Variants in MYO18A observed in about 807,000 individuals in gnomAD.
The protein encoded by MYO18A is unconventional myosin-XVIIIa.
Under a neutral mutation model 235.8 loss-of-function variants are expected in MYO18A, and 78 were observed. That is an observed-to-expected ratio of 0.33 (90% CI 0.28 to 0.40). MYO18A has a LOEUF of 0.40. MYO18A is among the 10% of genes least tolerant of loss of function. The pLI is 1.00. For synonymous variants in MYO18A, 977 were observed against 1,077.8 expected (o/e 0.91, Z 1.83); for missense variants, 2,215 against 2,699.3 (o/e 0.82, Z 3.98).
At position 29,158,499 on chromosome 17, in the gene MYO18A, T is replaced by C. The variant is rs9903048; in HGVS notation, c.999+7443A>G. Among the ~76,000 whole-genome samples the C allele has an allele frequency of 0.18, 28,086 of 152,132 alleles. 2,622 individuals are homozygous for C. The highest frequency in any genetic ancestry group is 0.3 in the East Asian group (1,540 of 5,166). ...CAGCAGAGGTGGGGGCCCTGAAAAC[T>C]CCGCTCTTTCGCAGTGGCTGTCTGG... On this transcript the variant is annotated intron_variant, in intron 2 of 41. Transcript: ENST00000527372. This position sits in a 1 kb window ranked among gnomAD's most constrained non-coding sequence, Gnocchi z 4.3.
Position 29,086,503 on chromosome 17 carries a change from G to A in MYO18A, c.5787C>T (p.Ile1929=), listed in dbSNP as rs757373401. 1.2e-5 allele frequency: 19 copies of A among 1,611,710 alleles called. No individual in the cohort carries two copies. The highest frequency in any genetic ancestry group is 1.7e-4 in the Middle Eastern group (1 of 6,038). ...QADLKLAFKR[I]GDLQAAIEDE... ...CCTCAATGGCAGCCTGCAGGTCCCC[G>A]ATGCGCTTGAATGCCAACTTTAGGT... Residue 1929 remains isoleucine, a synonymous_variant, in exon 39 of 42, where the codon ATC becomes ATT. Coordinates refer to ENST00000527372, the MANE Select transcript of MYO18A (RefSeq NM_078471.4).
chr17:29,160,159 C>T (rs963717328), intron 2 of MYO18A, among the ~76,000 whole-genome samples: 2 of 152,210 alleles, frequency 1.3e-5, no homozygotes, highest in Non-Finnish European at 1.5e-5. Flanking sequence ...ATCTCACATA[C>T]GTGAACTTGC....
chr17:29,152,719 GTTCAC>G (rs968686641), intron 2 of MYO18A, among the ~76,000 whole-genome samples: 3 of 152,130 alleles, frequency 2.0e-5, no homozygotes, highest in African/African-American at 7.2e-5. Context: ...TGATGATAAT[GTTCAC>G]TTCTTCTTTT....
intron 2 of MYO18A, among the ~76,000 whole-genome samples, chr17:29,124,061 AT>A (rs1458265770): frequency 1.0e-4 from 15 of 148,494 alleles, no homozygotes; most frequent in Non-Finnish European, 1.5e-5. Context: ...AAAAAAAAAA[AT>A]CATTACAATG....
chr17:29,103,781 C>T lies in MYO18A; in HGVS notation c.3442-117G>A, dbSNP rs2066714383. 1.1e-5 allele frequency: 10 copies of T among 903,158 alleles called. No individual in the cohort carries two copies. In the South Asian group the frequency reaches 1.2e-4, roughly 11 times the overall value. The allele number at this position is 903,158 out of a possible 1,614,324, so 55.9% of individuals were successfully genotyped here. ...TCCTAGACAGTCTGTTATTCATGCA[C>T]TTGCGTGGGCTTCCTCAGTGTCAGG... is the stretch of plus-strand genomic sequence containing the variant. On this transcript the variant is annotated intron_variant, in intron 20 of 41. Coordinates refer to ENST00000527372, the MANE Select transcript of MYO18A (RefSeq NM_078471.4).
intron 2 of MYO18A, chr17:29,127,889 T>C: frequency 1.0e-6 from 1 of 990,494 alleles, no homozygotes; most frequent in Non-Finnish European, 1.2e-6. Context: ...CTTGGACTGC[T>C]GCTCTCCAGT....
At chr17:29,165,529 A>T (rs2068260585) in intron 2 of MYO18A, 1 of 171,194 alleles carries the variant, frequency 5.8e-6, no homozygotes, top group Non-Finnish European at 1.2e-5. Context: ...CATTCCGCTG[A>T]ATTCAGTTAG....
At chr17:29,122,386 A>G in intron 2 of MYO18A, 133 bp from the exon 3 acceptor site, 3 of 777,216 alleles carry the variant, frequency 3.9e-6, no homozygotes, top group Non-Finnish European at 6.5e-6. Context: ...GGTGACAGAC[A>G]CAGAACACAG....
At chr17:29,157,431 G>A (rs2068085185) in intron 2 of MYO18A, among the ~76,000 whole-genome samples, 1 of 152,220 alleles carries the variant, frequency 6.6e-6, no homozygotes, top group Non-Finnish European at 1.5e-5. Flanking sequence ...AGGGCAGCAG[G>A]AGTCAGAAGG....
At chr17:29,127,172 GC>G (rs1289125081) in intron 2 of MYO18A, among the ~76,000 whole-genome samples, 4 of 151,988 alleles carry the variant, frequency 2.6e-5, no homozygotes, top group African/African-American at 4.8e-5. Context: ...AATCCCAAAA[GC>G]CCCCCCAAAC....
rs1055584037 is a variant in MYO18A, at chr17:29,121,781, G to A, written c.1195-58C>T. ...GCAGCAGAGCCCATCTCCGCTGCCA[G>A]AGGATGGGCCTGCCCTGCCCAGTGC... On this transcript the variant is annotated intron_variant, in intron 4 of 41. Coordinates refer to ENST00000527372, the MANE Select transcript of MYO18A (RefSeq NM_078471.4). The surrounding 1 kb of genome is among the most constrained non-coding windows in gnomAD (Gnocchi z 4.2). The A allele has an allele frequency of 8.1e-6, 13 of 1,607,476 alleles. No individual in the cohort carries two copies. The African/African-American group carries it at 1.6e-4, about 20-fold the overall frequency.
chr17:29,079,252 G>A (rs1156336052), intron 41 of MYO18A, among the ~76,000 whole-genome samples: 1 of 152,188 alleles, frequency 6.6e-6, no homozygotes, highest in Non-Finnish European at 1.5e-5. Context: ...GCTCTGCACT[G>A]GCTGCCTGGA....
intron 2 of MYO18A, among the ~76,000 whole-genome samples, chr17:29,138,160 C>T (rs182667617): frequency 2.0e-4 from 30 of 152,312 alleles, no homozygotes; most frequent in Middle Eastern, 3.4e-3. Flanking sequence ...AATAATGCCA[C>T]GCCTCAGGCA....
chr17:29,080,790 C>T, intron 41 of MYO18A: 5 of 985,492 alleles, frequency 5.1e-6, no homozygotes, highest in Non-Finnish European at 6.0e-6. Flanking sequence ...CCTCGGACTT[C>T]CTGCCTGGGC....
rs745411400 is a variant in MYO18A at position 29,121,512 on chromosome 17, C to G, written c.1371+35G>C. On this transcript the variant is annotated intron_variant, in intron 5 of 41. Coordinates refer to ENST00000527372, the MANE Select transcript of MYO18A (RefSeq NM_078471.4). The surrounding 1 kb of genome is among the most constrained non-coding windows in gnomAD (Gnocchi z 4.2). ...AGAGAGCCAGGGCAGGGGGTGGGACCAGGAGTCTGCAGGGTAGCCTTGAGG... is the reference window on the plus strand; with the variant it reads ...AGAGAGCCAGGGCAGGGGGTGGGACGAGGAGTCTGCAGGGTAGCCTTGAGG... 6.4e-7 allele frequency: 1 copy of G among 1,561,402 alleles called. No homozygotes were observed. The highest frequency in any genetic ancestry group is 1.9e-5 in the Admixed American group (1 of 52,964).
chr17:29,132,598 C>G (rs770572920), intron 2 of MYO18A, among the ~76,000 whole-genome samples: 23 of 152,168 alleles, frequency 1.5e-4, no homozygotes, highest in Non-Finnish European at 2.8e-4. Flanking sequence ...CTTGGGGGGA[C>G]TCTCCAATTT....
rs908326142 is a variant in MYO18A at position 29,118,754 on chromosome 17, A to G, written c.1830-314T>C. Among the ~76,000 whole-genome samples the G allele has an allele frequency of 6.6e-6, 1 of 152,246 alleles. No individual in the cohort carries two copies. The highest frequency in any genetic ancestry group is 1.5e-5 in the Non-Finnish European group (1 of 68,044). The stretch of plus-strand genomic sequence containing the variant: ...GGCAGAGACGATGCCCTCAGTTACA[A>G]GAAGGGCTAAAGAGGACAATGGCCT... On this transcript the variant is annotated intron_variant, in intron 8 of 41. Coordinates refer to ENST00000527372, the MANE Select transcript of MYO18A (RefSeq NM_078471.4). The surrounding 1 kb of genome is among the most constrained non-coding windows in gnomAD (Gnocchi z 4.2).
Position 29,121,253 on chromosome 17 carries a change from C to T in MYO18A, c.1372-42G>A. 6.4e-7 allele frequency: 1 copy of T among 1,555,674 alleles called. No homozygotes were observed. ...AGGGAGAGAAGGGGTTGGCTCTTAG[C>T]TGATCCCATTAAGACACCCCTCACC... On this transcript the variant is annotated intron_variant, in intron 5 of 41. Coordinates refer to ENST00000527372, the MANE Select transcript of MYO18A (RefSeq NM_078471.4). The surrounding 1 kb of genome is among the most constrained non-coding windows in gnomAD (Gnocchi z 4.2).
chr17:29,152,091 C>T (rs116184626), intron 2 of MYO18A, among the ~76,000 whole-genome samples: 3,072 of 152,228 alleles, frequency 0.02, 96 homozygotes, highest in African/African-American at 0.069. Context: ...ACAGAGACTT[C>T]ACTGGAGAGG....
Sources: gnomAD v4.1 joint callset for allele counts (sites outside exome capture counted in the v4.1 genomes callset) on GRCh38, gnomAD v4.1.1 for gene constraint, Gnocchi (gnomAD v3.1) non-coding constraint, MANE v1.5 for transcripts, NCBI Gene and HGNC (gene_info 2026-07-23, HGNC 2026-07-21) for gene names.